LINGO2: variants seen among roughly 807,000 people sequenced by gnomAD.
LINGO2 encodes leucine rich repeat and Ig domain containing 2.
A neutral mutation model predicts 30.6 loss-of-function variants in LINGO2; 14 were observed. That is an observed-to-expected ratio of 0.46 (90% CI 0.30 to 0.72). The LOEUF is 0.72. Among genes scored for constraint, LINGO2 ranks in the 30% least tolerant of loss-of-function variants. The pLI, the probability that LINGO2 is intolerant of heterozygous loss-of-function variation, is 0.07. For synonymous variants in LINGO2, 317 were observed against 288.5 expected (o/e 1.10, Z -1.00); for missense variants, 729 against 751.7 (o/e 0.97, Z 0.35).
intron 5 of LINGO2, among the ~76,000 whole-genome samples, chr9:27,967,995 CTT>C (rs1429370072): frequency 6.6e-6 from 1 of 152,058 alleles, no homozygotes; most frequent in Non-Finnish European, 1.5e-5. Context: ...TATTTGGGAA[CTT>C]TTATCTACTG....
intron 5 of LINGO2, among the ~76,000 whole-genome samples, chr9:28,003,386 T>TAGATAGATATAGAG (rs1554653804): frequency 1.3e-3 from 177 of 134,952 alleles, no homozygotes; most frequent in Admixed American, 2.7e-3. Context: ...TAGATAGATA[T>TAGATAGATATAGAG]AGAGAGAGAG....
chr9:29,167,588 C>T, the LINGO2 span, among the ~76,000 whole-genome samples: 1 of 152,092 alleles, frequency 6.6e-6, no homozygotes, highest in Admixed American at 6.5e-5. Context: ...GTCTGTTCTG[C>T]TATTTTTCTA....
rs11793837 is a variant in LINGO2 at position 28,129,856 on chromosome 9, A to G, written c.-86-117451T>C. Among the ~76,000 whole-genome samples, 12,463 of 152,310 alleles carry G rather than the reference A, an allele frequency of 0.082. 631 individuals carry two copies. Among genetic ancestry groups the G allele is most frequent in the Middle Eastern group, 0.13 (38 of 294 alleles). On this transcript the variant is annotated intron_variant, in intron 4 of 5. Transcript: ENST00000379992. The surrounding 1 kb of genome is among the most constrained non-coding windows in gnomAD (Gnocchi z 4.0). ...ACATTCATAGCAGAACACTTGGAAA[A>G]TAAAGAAACATGCATAGAAAAAATA...
chr9:28,011,129 T>G (rs746931342), intron 5 of LINGO2, among the ~76,000 whole-genome samples: 10 of 151,900 alleles, frequency 6.6e-5, no homozygotes, highest in Non-Finnish European at 1.5e-4. Flanking sequence ...GGGATGTGAG[T>G]AGAGAAGGGT....
intron 4 of LINGO2, among the ~76,000 whole-genome samples, chr9:28,222,529 TAA>T (rs201689042): frequency 2.1e-3 from 318 of 150,054 alleles, no homozygotes; most frequent in African/African-American, 7.5e-3. Flanking sequence ...AGGCAAAATT[TAA>T]AAAAAAAAAG....
the LINGO2 span, among the ~76,000 whole-genome samples, chr9:28,912,421 C>T: frequency 6.6e-6 from 1 of 151,916 alleles, no homozygotes; most frequent in Non-Finnish European, 1.5e-5. Flanking sequence ...GTAAGCTGTT[C>T]TGTCTTCTTT....
the LINGO2 span, among the ~76,000 whole-genome samples, chr9:28,905,141 G>A: frequency 1.3e-4 from 19 of 151,950 alleles, no homozygotes; most frequent in African/African-American, 3.9e-4. Context: ...ATGGAGTAAA[G>A]ATTTTAATTT....
chr9:28,373,895 C>T (rs1254365587), intron 2 of LINGO2, among the ~76,000 whole-genome samples: 1 of 122,934 alleles, frequency 8.1e-6, no homozygotes, highest in African/African-American at 3.1e-5. Flanking sequence ...AGCAAAACTC[C>T]ATCTCAAAAA....
chr9:28,081,284 A>C (rs1825765182), intron 4 of LINGO2, among the ~76,000 whole-genome samples: 1 of 122,736 alleles, frequency 8.1e-6, no homozygotes, highest in East Asian at 2.0e-4. Context: ...GTTAAGATTC[A>C]ATACTCAAAA....
the LINGO2 span, among the ~76,000 whole-genome samples, chr9:28,787,900 C>T: frequency 6.6e-6 from 1 of 152,218 alleles, no homozygotes; most frequent in East Asian, 1.9e-4. Context: ...AACACATTTT[C>T]TCTTTGCTTC....
At chr9:28,347,601 G>C (rs967201127) in intron 3 of LINGO2, among the ~76,000 whole-genome samples, 4 of 152,138 alleles carry the variant, frequency 2.6e-5, no homozygotes, top group Non-Finnish European at 5.9e-5. Context: ...TTCTGTCATT[G>C]AATGTGCAGT....
chr9:29,184,478 G>T, the LINGO2 span, among the ~76,000 whole-genome samples: 1 of 152,048 alleles, frequency 6.6e-6, no homozygotes, highest in Non-Finnish European at 1.5e-5. Context: ...GGATGCTTCT[G>T]CTTCCAAGCA....
chr9:28,562,057 A>G (rs1823115763), intron 1 of LINGO2, among the ~76,000 whole-genome samples: 1 of 151,890 alleles, frequency 6.6e-6, no homozygotes, highest in African/African-American at 2.4e-5. Flanking sequence ...TACCTTATCA[A>G]ATAACCCCAT....
chr9:28,928,715 T>C, the LINGO2 span, among the ~76,000 whole-genome samples: 5 of 152,136 alleles, frequency 3.3e-5, no homozygotes, highest in Non-Finnish European at 7.3e-5. Flanking sequence ...GGGTCCTAGA[T>C]TCCTAATTCT....
chr9:27,973,401 T>C (rs1820445476), intron 5 of LINGO2, among the ~76,000 whole-genome samples: 1 of 152,102 alleles, frequency 6.6e-6, no homozygotes, highest in African/African-American at 2.4e-5. Context: ...GTGATTCTCA[T>C]TCAGCTGATG....
At chr9:29,052,559 A>T in the LINGO2 span, among the ~76,000 whole-genome samples, 1 of 152,144 alleles carries the variant, frequency 6.6e-6, no homozygotes, top group African/African-American at 2.4e-5. Context: ...AAATCATGTA[A>T]GTTTTTGAAA....
At chr9:28,123,709 G>A (rs1400081122) in intron 4 of LINGO2, among the ~76,000 whole-genome samples, 1 of 151,948 alleles carries the variant, frequency 6.6e-6, no homozygotes, top group Non-Finnish European at 1.5e-5. Flanking sequence ...TGTCGCCCAG[G>A]CTGGAGTGCA....
chr9:28,658,855 G>T (rs1306929782), intron 1 of LINGO2, among the ~76,000 whole-genome samples: 2 of 151,884 alleles, frequency 1.3e-5, no homozygotes, highest in Non-Finnish European at 2.9e-5. Context: ...TTATACTATG[G>T]TTATGAAAAA....
At chr9:27,950,194 C>T (rs763777808) in exon 6 of LINGO2, 2 of 1,614,054 alleles carry the variant, frequency 1.2e-6, no homozygotes, top group Non-Finnish European at 1.7e-6. Flanking sequence ...TTGTCCCCCA[C>T]TTCTAGAGAC....
Sources: gnomAD v4.1 joint callset for allele counts (sites outside exome capture counted in the v4.1 genomes callset) on GRCh38, gnomAD v4.1.1 for gene constraint, Gnocchi (gnomAD v3.1) non-coding constraint, MANE v1.5 for transcripts, NCBI Gene and HGNC (gene_info 2026-07-23, HGNC 2026-07-21) for gene names.